INSC: variants seen among roughly 807,000 people sequenced by gnomAD.
The protein encoded by INSC is INSC spindle orientation adaptor protein, also known as protein inscuteable homolog.
A neutral mutation model predicts 58.6 loss-of-function variants in INSC; 67 were observed. The observed-to-expected ratio is 1.14, with a 90% CI of 0.94 to 1.40. The LOEUF (loss-of-function observed/expected upper bound fraction) is 1.40. INSC is among the 40% of genes most tolerant of loss of function. The probability of loss-of-function intolerance (pLI) is 0.00; values close to 1 mark genes in which losing one functional copy is unlikely to be tolerated. For missense variants in INSC, 714 were observed against 692.0 expected (o/e 1.03, Z -0.36); for synonymous variants, 262 against 276.1 (o/e 0.95, Z 0.51).
chr11:15,114,710 T>TC (rs1054879938), upstream of INSC, among the ~76,000 whole-genome samples: 21 of 151,758 alleles, frequency 1.4e-4, no homozygotes, highest in African/African-American at 2.9e-4. Flanking sequence ...GGGCCATGTT[T>TC]CCCCCCCCAG....
chr11:15,214,532 C>T (rs1851143000), intron 7 of INSC, among the ~76,000 whole-genome samples: 1 of 152,186 alleles, frequency 6.6e-6, no homozygotes, highest in African/African-American at 2.4e-5. Context: ...AGCCTGTGTC[C>T]TTTAGATATT....
Position 15,240,482 on chromosome 11 carries a change from T to A in INSC, c.1429T>A (p.Ser477Thr), listed in dbSNP as rs1852304481. ...TCTCATCGAGCTCTGCAGATCCCCA[T>A]CAGAGAGGAACAGCAGTGACGCCGT... ...SRLIELCRSP[S>T]ERNSSDAVLV... is the part of the protein sequence containing the mutation. The change falls in exon 12 of 13, where the codon TCA becomes ACA. Residue 477 changes from serine (S) to threonine (T), a missense_variant. Coordinates refer to ENST00000379556, the MANE Select transcript of INSC (RefSeq NM_001042536.3). 1 of 1,613,762 alleles carries A rather than the reference T, an allele frequency of 6.2e-7. No homozygotes were observed. The highest frequency in any genetic ancestry group is 8.5e-7 in the Non-Finnish European group (1 of 1,179,948).
chr11:15,144,429 G>A (rs928707301), intron 1 of INSC, among the ~76,000 whole-genome samples: 2 of 152,156 alleles, frequency 1.3e-5, no homozygotes, highest in Non-Finnish European at 2.9e-5. Flanking sequence ...TGGGCTGACA[G>A]GACAGCTCTG....
intron 9 of INSC, among the ~76,000 whole-genome samples, chr11:15,230,001 A>AATATTATATATATAATATTATATATATAT (rs1564917644): frequency 4.0e-5 from 1 of 25,304 alleles, no homozygotes; most frequent in African/African-American, 1.6e-4. Flanking sequence ...ATATATATAT[A>AATATTATATATATAATATTATATATATAT]TATATATATA....
chr11:15,239,146 A>T (rs545116219), intron 11 of INSC, 72 bp downstream of exon 11: 13 of 1,509,356 alleles, frequency 8.6e-6, no homozygotes, highest in Middle Eastern at 4.8e-4. Flanking sequence ...CTGATTTCAC[A>T]GTGGCAACAG....
Position 15,239,018 on chromosome 11 carries a change from C to A in INSC, c.1337C>A (p.Thr446Asn), listed in dbSNP as rs558991597. The A allele has an allele frequency of 1.6e-5, 26 of 1,614,200 alleles. 1 individual carries two copies. In the South Asian group the frequency reaches 2.2e-4, roughly 14 times the overall value. Residue 446 changes from threonine (T) to asparagine (N), a missense_variant, in exon 11 of 13, where the codon ACC becomes AAC. Coordinates refer to ENST00000379556, the MANE Select transcript of INSC (RefSeq NM_001042536.3). ...CGAGTCCAGCAGAAAGCTGCAGTGACCCTGGCTCGTCTCAGCCGAGACCCA... is the reference window on the plus strand; with the variant it reads ...CGAGTCCAGCAGAAAGCTGCAGTGAACCTGGCTCGTCTCAGCCGAGACCCA... ...CERVQQKAAV[T>N]LARLSRDPDV...
intron 7 of INSC, among the ~76,000 whole-genome samples, chr11:15,206,960 T>C (rs982509151): frequency 4.6e-5 from 7 of 152,128 alleles, no homozygotes; most frequent in African/African-American, 7.2e-5. Flanking sequence ...GACCTGGTTA[T>C]TGGGGATTTT....
intron 2 of INSC, among the ~76,000 whole-genome samples, chr11:15,163,021 G>A (rs1849071501): frequency 6.6e-6 from 1 of 152,122 alleles, no homozygotes; most frequent in South Asian, 2.1e-4. Flanking sequence ...ATATGAATCA[G>A]TGTCCAAGTC....
chr11:15,213,326 A>T (rs1353217030), intron 7 of INSC, among the ~76,000 whole-genome samples: 1 of 152,132 alleles, frequency 6.6e-6, no homozygotes. Context: ...ATTAAATTCA[A>T]ATTTCTGGTG....
intron 2 of INSC, among the ~76,000 whole-genome samples, chr11:15,156,032 A>G (rs1381313136): frequency 6.6e-6 from 1 of 152,160 alleles, no homozygotes; most frequent in Non-Finnish European, 1.5e-5. Context: ...GAGGCAGGGC[A>G]AGGCCACTGA....
At chr11:15,242,066 A>G (rs1330560265) in intron 12 of INSC, among the ~76,000 whole-genome samples, 1 of 152,172 alleles carries the variant, frequency 6.6e-6, no homozygotes, top group East Asian at 1.9e-4. Context: ...TAAAGATGTA[A>G]CTTTTTCTCA....
At chr11:15,138,348 C>T (rs543586004) in intron 1 of INSC, among the ~76,000 whole-genome samples, 29 of 152,148 alleles carry the variant, frequency 1.9e-4, no homozygotes, top group African/African-American at 2.9e-4. Context: ...TTGTTTGATG[C>T]GGGTTTGTCC....
chr11:15,143,653 A>G (rs533326916), intron 1 of INSC, among the ~76,000 whole-genome samples: 5 of 152,290 alleles, frequency 3.3e-5, no homozygotes, highest in African/African-American at 1.2e-4. Context: ...TGTGTGGGGA[A>G]CAATTTAGAG....
intron 7 of INSC, among the ~76,000 whole-genome samples, chr11:15,209,903 A>G (rs1329851167): frequency 6.6e-6 from 1 of 152,158 alleles, no homozygotes; most frequent in East Asian, 1.9e-4. Flanking sequence ...GGGGGAGTAT[A>G]AACATCATAG....
intron 10 of INSC, among the ~76,000 whole-genome samples, chr11:15,238,074 T>A (rs957058503): frequency 3.3e-5 from 5 of 152,010 alleles, no homozygotes; most frequent in African/African-American, 7.2e-5. Context: ...GAAGATGAAC[T>A]TTTGCTACAA....
chr11:15,152,284 A>T (rs1376980215), intron 2 of INSC, among the ~76,000 whole-genome samples: 2 of 152,178 alleles, frequency 1.3e-5, no homozygotes, highest in African/African-American at 4.8e-5. Context: ...TCTTGTAGGA[A>T]GATTTGGAAT....
At chr11:15,116,468 T>C (rs966011786) in intron 1 of INSC, among the ~76,000 whole-genome samples, 1 of 152,194 alleles carries the variant, frequency 6.6e-6, no homozygotes, top group Admixed American at 6.5e-5. Flanking sequence ...TTATCTTTTT[T>C]TCTGGACAGA....
chr11:15,127,180 A>G (rs1057327873), intron 1 of INSC, among the ~76,000 whole-genome samples: 5 of 152,190 alleles, frequency 3.3e-5, no homozygotes, highest in Non-Finnish European at 7.3e-5. Flanking sequence ...CCTAGGATAC[A>G]TATTTAGGGC....
rs556924094 is a variant in INSC, at chr11:15,133,103, A to G, written c.-45-16027A>G. On this transcript the variant is annotated intron_variant, in intron 1 of 12. Coordinates refer to ENST00000379556, the MANE Select transcript of INSC (RefSeq NM_001042536.3). ...TTCTTTGAATATCACCATTTCCCCC[A>G]TTCTCTCTCTTAACTTTCTTTGCAA... Among the ~76,000 whole-genome samples, 39 of 152,260 alleles carry G rather than the reference A, an allele frequency of 2.6e-4. 1 individual carries two copies. In the South Asian group the frequency reaches 7.7e-3, roughly 30 times the overall value.
Sources: allele counts gnomAD v4.1 joint callset (sites outside exome capture counted in the v4.1 genomes callset), GRCh38; gene constraint gnomAD v4.1.1; transcripts MANE v1.5; gene names NCBI Gene and HGNC (gene_info 2026-07-23, HGNC 2026-07-21).